CNTNAP2: variants seen among roughly 807,000 people sequenced by gnomAD.
CNTNAP2 encodes the protein contactin-associated protein-like 2.
A neutral mutation model predicts 155.2 loss-of-function variants in CNTNAP2; 98 were observed. The observed-to-expected ratio is 0.63, with a 90% CI of 0.54 to 0.75. The LOEUF is 0.75. Among genes scored for constraint, CNTNAP2 ranks in the 30% least tolerant of loss-of-function variants. CNTNAP2 has a pLI of 0.00. For synonymous variants in CNTNAP2, 651 were observed against 631.2 expected, an observed-to-expected ratio of 1.03 and a Z score of -0.47; for missense variants, 1,727 against 1,688.1, an observed-to-expected ratio of 1.02 and a Z score of -0.40.
At chr7:147,566,516 T>C (rs1800174014) in intron 12 of CNTNAP2, among the ~76,000 whole-genome samples, 1 of 152,128 alleles carries the variant, frequency 6.6e-6, no homozygotes, top group Non-Finnish European at 1.5e-5. Context: ...TCACAGTTGC[T>C]CATGGCTGGG....
intron 1 of CNTNAP2, among the ~76,000 whole-genome samples, chr7:146,335,015 C>G (rs1162670240): frequency 6.6e-6 from 1 of 152,208 alleles, no homozygotes; most frequent in African/African-American, 2.4e-5. Context: ...ACCCATAAGA[C>G]TTTGAGTTCT....
chr7:146,655,121 T>G (rs1488484315), intron 1 of CNTNAP2, among the ~76,000 whole-genome samples: 1 of 151,942 alleles, frequency 6.6e-6, no homozygotes, highest in African/African-American at 2.4e-5. Context: ...ATGAACATAA[T>G]TCTCTGAATA....
chr7:146,536,716 A>AG (rs1797874758), intron 1 of CNTNAP2, among the ~76,000 whole-genome samples: 2 of 151,972 alleles, frequency 1.3e-5, no homozygotes, highest in South Asian at 4.1e-4. Flanking sequence ...GTGATAAAAC[A>AG]CTCCAAGACA....
At chr7:146,830,642 GT>G (rs1175712181) in intron 2 of CNTNAP2, among the ~76,000 whole-genome samples, 2 of 152,004 alleles carry the variant, frequency 1.3e-5, no homozygotes, top group Non-Finnish European at 2.9e-5. Flanking sequence ...TTGATAATGC[GT>G]TTCTTCAAAA....
chr7:147,598,672 T>C (rs1361851159), intron 12 of CNTNAP2, among the ~76,000 whole-genome samples: 3 of 152,160 alleles, frequency 2.0e-5, no homozygotes, highest in African/African-American at 7.2e-5. Flanking sequence ...TCTGCTATCA[T>C]TGGGTGATAT....
intron 3 of CNTNAP2, among the ~76,000 whole-genome samples, chr7:146,887,950 G>T (rs1369600266): frequency 1.3e-5 from 2 of 152,062 alleles, no homozygotes; most frequent in East Asian, 3.9e-4. Context: ...ACTTAGGGTT[G>T]TTCTGTATAT....
chr7:147,858,731 G>A (rs75976607), intron 13 of CNTNAP2, among the ~76,000 whole-genome samples: 298 of 152,236 alleles, frequency 2.0e-3, no homozygotes, highest in African/African-American at 6.7e-3. Flanking sequence ...TGAGGACAAA[G>A]TTAGAGTCTA....
chr7:146,711,194 G>A (rs1254648283), intron 1 of CNTNAP2, among the ~76,000 whole-genome samples: 1 of 148,892 alleles, frequency 6.7e-6, no homozygotes, highest in African/African-American at 2.5e-5. Context: ...ACATATGTAT[G>A]TATACATACA....
intron 3 of CNTNAP2, among the ~76,000 whole-genome samples, chr7:146,849,234 A>G (rs968266287): frequency 2.6e-5 from 4 of 152,218 alleles, no homozygotes; most frequent in Non-Finnish European, 5.9e-5. Context: ...CATTCATCAT[A>G]TAGAGCTCAC....
At chr7:146,444,973 C>T (rs926885773) in intron 1 of CNTNAP2, among the ~76,000 whole-genome samples, 2 of 151,938 alleles carry the variant, frequency 1.3e-5, no homozygotes, top group Non-Finnish European at 2.9e-5. Flanking sequence ...CCACCACGCC[C>T]AGCCCATGGA....
At chr7:148,143,000 C>T (rs951602093) in intron 16 of CNTNAP2, among the ~76,000 whole-genome samples, 1 of 152,134 alleles carries the variant, frequency 6.6e-6, no homozygotes, top group Non-Finnish European at 1.5e-5. Context: ...TGGCAATATG[C>T]CACCTTATGT....
At chr7:147,542,469 A>C (rs1002866755) in intron 11 of CNTNAP2, among the ~76,000 whole-genome samples, 1 of 152,206 alleles carries the variant, frequency 6.6e-6, no homozygotes. Flanking sequence ...GAGACTTAGC[A>C]TCTTTATTTG....
intron 9 of CNTNAP2, among the ~76,000 whole-genome samples, chr7:147,345,570 C>T (rs1795839705): frequency 6.6e-6 from 1 of 152,150 alleles, no homozygotes; most frequent in Non-Finnish European, 1.5e-5. Flanking sequence ...CAGAAGTTTT[C>T]TCCCAACTGC....
intron 4 of CNTNAP2, among the ~76,000 whole-genome samples, chr7:147,083,565 C>T (rs1420330412): frequency 6.5e-5 from 9 of 138,996 alleles, no homozygotes; most frequent in African/African-American, 1.9e-4. Context: ...TATATATATA[C>T]ACATATATAT....
At chr7:147,205,728 T>C (rs1803012310) in intron 8 of CNTNAP2, among the ~76,000 whole-genome samples, 1 of 151,388 alleles carries the variant, frequency 6.6e-6, no homozygotes, top group Non-Finnish European at 1.5e-5. Context: ...AAGATGATAC[T>C]TACCAGCAGC....
At chr7:148,312,969 G>A (rs1474941543) in intron 21 of CNTNAP2, among the ~76,000 whole-genome samples, 2 of 151,908 alleles carry the variant, frequency 1.3e-5, no homozygotes, top group Non-Finnish European at 2.9e-5. Context: ...AATGAGGTGT[G>A]GCTGTAGCCC....
At chr7:147,671,080 C>A (rs893324650) in intron 13 of CNTNAP2, among the ~76,000 whole-genome samples, 2 of 152,222 alleles carry the variant, frequency 1.3e-5, no homozygotes, top group African/African-American at 4.8e-5. Flanking sequence ...TGTGCTCCTT[C>A]CCATGAGTGG....
chr7:147,627,683 C>T (rs1283356006), intron 12 of CNTNAP2, among the ~76,000 whole-genome samples: 3 of 96,620 alleles, frequency 3.1e-5, no homozygotes, highest in Admixed American at 1.5e-4. Context: ...CAGAGCGAGA[C>T]TCTGTCTCAA....
chr7:146,463,186 A>G (rs7805539), intron 1 of CNTNAP2, among the ~76,000 whole-genome samples: 88,868 of 151,966 alleles, frequency 0.58, 29,049 homozygotes, highest in South Asian at 0.82. Context: ...ATACAAGAAG[A>G]GAACTGTTAT....
Sources: gnomAD v4.1 joint callset for allele counts (sites outside exome capture counted in the v4.1 genomes callset) on GRCh38, gnomAD v4.1.1 for gene constraint, MANE v1.5 for transcripts, NCBI Gene and HGNC (gene_info 2026-07-23, HGNC 2026-07-21) for gene names.